NAGA: variants seen among roughly 807,000 people sequenced by gnomAD.
NAGA encodes alpha-N-acetylgalactosaminidase.
In NAGA, 42 loss-of-function variants were observed where a neutral mutation model predicts 45.6. The ratio of observed to expected loss-of-function variants is 0.92; its 90% CI spans 0.72 to 1.19. The LOEUF (loss-of-function observed/expected upper bound fraction) is 1.19. Ranked by LOEUF, NAGA falls within the 50% of genes most tolerant of loss-of-function variation. The pLI is 0.00. For missense variants in NAGA, 493 were observed against 544.8 expected (o/e 0.90, Z 0.95); for synonymous variants, 176 against 203.1 (o/e 0.87, Z 1.13).
intron 2 of NAGA, 74 bp from the exon 3 acceptor site, chr22:42,068,010 A>C: frequency 7.1e-7 from 1 of 1,402,086 alleles, no homozygotes; most frequent in Admixed American, 1.7e-5. Context: ...CTCAGCTCTG[A>C]TTGAATCTGG....
intron 6 of NAGA, among the ~76,000 whole-genome samples, chr22:42,063,871 T>C (rs540327291): frequency 2.3e-4 from 35 of 152,308 alleles, no homozygotes; most frequent in African/African-American, 8.4e-4. Flanking sequence ...CTGGCCAACA[T>C]AGCAAAACCT....
Position 42,065,748 on chromosome 22 carries a change from T to C in NAGA, c.749A>G (p.Asp250Gly). The change falls in exon 6 of 9, where the codon GAC becomes GGC. Residue 250 changes from aspartate (D) to glycine (G), a missense_variant. Transcript: ENST00000396398. The part of the protein sequence containing the change: ...QPVAGPGHWN[D>G]PDMLLIGNFG... ...CCTCCATCCTGGTACCATGTCAGGG[T>C]CATTCCAGTGCCCAGGGCCGGCCAC... 6.2e-7 allele frequency: 1 copy of C among 1,613,962 alleles called. No homozygotes were observed. The highest frequency in any genetic ancestry group is 8.5e-7 in the Non-Finnish European group (1 of 1,180,012).
At chr22:42,066,310 T>C (rs1452138438) in intron 5 of NAGA, among the ~76,000 whole-genome samples, 1 of 151,740 alleles carries the variant, frequency 6.6e-6, no homozygotes, top group Non-Finnish European at 1.5e-5. Flanking sequence ...GGAGCCCTCA[T>C]GAGCCCACAG....
chr22:42,060,468 C>G (rs1159514012), intron 8 of NAGA, 55 bp from the exon 9 acceptor site: 1 of 1,607,582 alleles, frequency 6.2e-7, no homozygotes, highest in Non-Finnish European at 8.5e-7. Context: ...GCACAGAGAC[C>G]CCCCCCGCTA....
intron 7 of NAGA, among the ~76,000 whole-genome samples, chr22:42,062,373 C>A (rs1222037773): frequency 6.6e-6 from 1 of 151,844 alleles, no homozygotes; most frequent in Non-Finnish European, 1.5e-5. Flanking sequence ...GGCTGAGGCA[C>A]GAGAATTGCT....
chr22:42,060,767 G>A (rs1041397345), intron 8 of NAGA, among the ~76,000 whole-genome samples, 157 bp downstream of exon 8: 1 of 152,194 alleles, frequency 6.6e-6, no homozygotes, highest in South Asian at 2.1e-4. Context: ...CACGGCACTG[G>A]CTGCAGCTCT....
chr22:42,065,156 C>T (rs1926649418), intron 6 of NAGA, among the ~76,000 whole-genome samples: 1 of 152,238 alleles, frequency 6.6e-6, no homozygotes, highest in Non-Finnish European at 1.5e-5. Context: ...TTGCTCCCTC[C>T]ACCTGGCTTA....
intron 1 of NAGA, 31 bp downstream of exon 1, chr22:42,070,251 C>A: frequency 1.9e-6 from 3 of 1,614,124 alleles, no homozygotes; most frequent in Non-Finnish European, 2.5e-6. Context: ...TCACCCCTAC[C>A]CTTCCAAGCC....
In NAGA at chr22:42,070,595, C is replaced by T. The variant is rs1024734377; in HGVS notation, c.-298G>A. 1 of 540,182 alleles carries T rather than the reference C, an allele frequency of 1.9e-6. No individual in the cohort carries two copies. Among genetic ancestry groups the T allele is most frequent in the Non-Finnish European group, 3.3e-6 (1 of 299,324 alleles). The allele number at this position is 540,182 out of a possible 1,614,324, so 33.5% of individuals were successfully genotyped here. A position where few individuals can be genotyped will look rare whatever the true frequency, so the allele number is the denominator to read the frequency against. On this transcript the variant is annotated 5_prime_UTR_variant, in exon 1 of 9. Coordinates refer to ENST00000396398, the MANE Select transcript of NAGA (RefSeq NM_000262.3). ...CTGGGAGTCCCGAGGGCCTACGGGCCGCCTTCGGCCCCGCCCGGGCTCAGA... is the reference window on the plus strand; with the variant it reads ...CTGGGAGTCCCGAGGGCCTACGGGCTGCCTTCGGCCCCGCCCGGGCTCAGA...
intron 8 of NAGA, 121 bp from the exon 9 acceptor site, chr22:42,060,534 A>T: frequency 1.4e-6 from 2 of 1,398,580 alleles, no homozygotes; most frequent in Non-Finnish European, 2.0e-6. Context: ...GGCTTCCAGT[A>T]TGCCCTACAG....
chr22:42,070,131 A>T, intron 1 of NAGA, 151 bp downstream of exon 1: 1 of 916,076 alleles, frequency 1.1e-6, no homozygotes, highest in Non-Finnish European at 1.8e-6. Context: ...TGATTCCCGT[A>T]TGGGGAAGCA....
chr22:42,060,896 G>C (rs766501269), intron 8 of NAGA, 28 bp downstream of exon 8: 1 of 1,613,806 alleles, frequency 6.2e-7, no homozygotes, highest in South Asian at 1.1e-5. Context: ...AAGCCCAGGC[G>C]GGTGGCTGCA....
Position 42,070,560 on chromosome 22 carries a change from C to G in NAGA, c.-263G>C, listed in dbSNP as rs1926991643. ...TGTCTTGGATGTCAGACCTCACACC[C>G]TCTGCAGTGCTGGGAGTCCCGAGGG... On this transcript the variant is annotated 5_prime_UTR_variant, in exon 1 of 9. Coordinates refer to ENST00000396398, the MANE Select transcript of NAGA (RefSeq NM_000262.3). The G allele has an allele frequency of 1.7e-6, 1 of 599,286 alleles. No individual in the cohort carries two copies. The highest frequency in any genetic ancestry group is 3.0e-6 in the Non-Finnish European group (1 of 331,490). 37.1% of individuals were successfully genotyped at this position (599,286 alleles called of 1,614,324 possible).
In NAGA at chr22:42,058,929, C is replaced by T. The variant is rs937907390; in HGVS notation, c.*1350G>A. The T allele has an allele frequency of 6.6e-6, 1 of 152,284 alleles. No individual in the cohort carries two copies. Among genetic ancestry groups the T allele is most frequent in the Non-Finnish European group, 1.5e-5 (1 of 68,078 alleles). The allele number at this position is 152,284 out of a possible 1,614,324, so 9.4% of individuals were successfully genotyped here. On this transcript the variant is annotated 3_prime_UTR_variant, in exon 9 of 9. Transcript: ENST00000396398. ...TCAAGACATCAACTGGGGAAAGGAA[C>T]TTTCTCTGGTGACCCTATACTTAAC...
intron 1 of NAGA, 137 bp downstream of exon 1, chr22:42,070,144 TC>T: frequency 9.9e-7 from 1 of 1,006,568 alleles, no homozygotes; most frequent in Admixed American, 1.7e-5. Flanking sequence ...GGGAAGCATC[TC>T]CTCCCTTCCT....
At chr22:42,070,198 T>TA in intron 1 of NAGA, 84 bp downstream of exon 1, 1 of 1,463,076 alleles carries the variant, frequency 6.8e-7, no homozygotes, top group African/African-American at 1.4e-5. Flanking sequence ...TCTCTCCACA[T>TA]ACCCACATTA....
rs771198325 is a variant in NAGA at position 42,065,761 on chromosome 22, C to T, written c.736G>A (p.Gly246Arg). Reference sequence around the variant, plus strand: ...ACCATGTCAGGGTCATTCCAGTGCCCAGGGCCGGCCACTGGCTGCAGTATG... The same window carrying T: ...ACCATGTCAGGGTCATTCCAGTGCCTAGGGCCGGCCACTGGCTGCAGTATG... The part of the protein sequence containing the change: ...QDILQPVAGP[G>R]HWNDPDMLLI... The change falls in exon 6 of 9, where the codon GGG (glycine) becomes AGG (arginine). Residue 246 changes from glycine (G) to arginine (R), a missense_variant. Coordinates refer to ENST00000396398, the MANE Select transcript of NAGA (RefSeq NM_000262.3). 2.5e-6 allele frequency: 4 copies of T among 1,614,124 alleles called. No homozygotes were observed. The highest frequency in any genetic ancestry group is 2.7e-5 in the African/African-American group (2 of 75,034).
chr22:42,069,115 G>A (rs1454951470), intron 1 of NAGA, among the ~76,000 whole-genome samples: 8 of 152,144 alleles, frequency 5.3e-5, no homozygotes, highest in African/African-American at 7.2e-5. Context: ...GGTGGCATGC[G>A]CTGTACTCGG....
At chr22:42,066,576 A>G in intron 5 of NAGA, 134 bp downstream of exon 5, 1 of 833,582 alleles carries the variant, frequency 1.2e-6, no homozygotes. Flanking sequence ...CTAGACACCT[A>G]CAAATCACCA....
Sources: allele counts gnomAD v4.1 joint callset (sites outside exome capture counted in the v4.1 genomes callset), GRCh38; gene constraint gnomAD v4.1.1; transcripts MANE v1.5; gene names NCBI Gene and HGNC (gene_info 2026-07-23, HGNC 2026-07-21).